Variants in TMEM242 observed in about 807,000 individuals in gnomAD.
The protein encoded by TMEM242 is transmembrane protein 242, also known as UPF0463 transmembrane protein C6orf35.
TMEM242 carries 10 observed loss-of-function variants against 18.2 expected under a neutral mutation model. That is an observed-to-expected ratio of 0.55 (90% CI 0.34 to 0.93). The LOEUF (loss-of-function observed/expected upper bound fraction) is 0.93. TMEM242 is among the 40% of genes least tolerant of loss of function. The pLI is 0.02. For synonymous variants in TMEM242, 57 were observed against 69.9 expected (o/e 0.81, Z 0.92); for missense variants, 186 against 175.5 (o/e 1.06, Z -0.34).
At chr6:157,309,530 G>A (rs1777963422) in intron 3 of TMEM242, among the ~76,000 whole-genome samples, 1 of 151,908 alleles carries the variant, frequency 6.6e-6, no homozygotes, top group African/African-American at 2.4e-5. Context: ...CTGGGACTAC[G>A]GGCACGTGCC....
At chr6:157,314,264 G>C (rs1554250075) in intron 3 of TMEM242, among the ~76,000 whole-genome samples, 3 of 149,330 alleles carry the variant, frequency 2.0e-5, no homozygotes, top group African/African-American at 2.4e-5. Flanking sequence ...GTCCCAGTGT[G>C]CGCTCACCTG....
chr6:157,304,189 G>A (rs587723553), intron 3 of TMEM242, among the ~76,000 whole-genome samples: 1 of 152,212 alleles, frequency 6.6e-6, no homozygotes, highest in South Asian at 2.1e-4. Flanking sequence ...CATTAGCCTG[G>A]GCGCAGTGAC....
Position 157,323,468 on chromosome 6 carries a change from G to A in TMEM242, c.32C>T (p.Pro11Leu), listed in dbSNP as rs587747016. 1.9e-5 allele frequency: 30 copies of A among 1,613,872 alleles called. No individual in the cohort carries two copies. In the African/African-American group the frequency reaches 3.1e-4, roughly 17 times the overall value. The change falls in exon 1 of 4, where the codon CCG becomes CTG. Residue 11 changes from proline to leucine, a missense_variant. Pro to Leu is a moderately conservative substitution (Grantham distance 98). Coordinates refer to ENST00000400788, the MANE Select transcript of TMEM242 (RefSeq NM_018452.6). Reference sequence around the variant, plus strand: ...CCCCGGAGCCTCCAGCCCAGAGGCCGGCTGCCCAGTTGCAGCGCCCGCTGT... The same window carrying A: ...CCCCGGAGCCTCCAGCCCAGAGGCCAGCTGCCCAGTTGCAGCGCCCGCTGT... METAGAATGQPASGLEAPGST... is the reference protein window; with the variant it reads METAGAATGQLASGLEAPGST...
intron 1 of TMEM242, 120 bp downstream of exon 1, chr6:157,323,292 G>C: frequency 8.7e-7 from 1 of 1,143,044 alleles, no homozygotes; most frequent in Non-Finnish European, 1.3e-6. Context: ...CTAAACTCAG[G>C]GGCAAGCACA....
intron 3 of TMEM242, among the ~76,000 whole-genome samples, chr6:157,298,136 C>T (rs1181518161): frequency 8.5e-5 from 13 of 152,290 alleles, no homozygotes; most frequent in African/African-American, 2.6e-4. Context: ...AACTGAAGAG[C>T]GGAATAACCC....
chr6:157,318,674 T>C (rs782234032), intron 3 of TMEM242, 108 bp downstream of exon 3: 1 of 1,370,874 alleles, frequency 7.3e-7, no homozygotes, highest in South Asian at 1.3e-5. Context: ...ATCATCTCCC[T>C]AGACAGTGAC....
Position 157,321,873 on chromosome 6 carries a change from T to C in TMEM242, c.189+832A>G, listed in dbSNP as rs587749804. On this transcript the variant is annotated intron_variant, in intron 2 of 3. Coordinates refer to ENST00000400788, the MANE Select transcript of TMEM242 (RefSeq NM_018452.6). ...AAATATATTTCTGCTCTGAAAACAT[T>C]CTATAACATAGAGAGAAAATGACCC... Among the ~76,000 whole-genome samples the C allele has an allele frequency of 5.3e-5, 8 of 152,258 alleles. No individual in the cohort carries two copies. The South Asian group carries it at 1.4e-3, about 28-fold the overall frequency.
chr6:157,312,073 TA>T (rs1778150174), intron 3 of TMEM242, among the ~76,000 whole-genome samples: 14 of 45,588 alleles, frequency 3.1e-4, no homozygotes, highest in East Asian at 8.1e-4. Context: ...TGCGCTCACC[TA>T]GCCTCAACAT....
At chr6:157,304,525 G>A (rs1043488578) in intron 3 of TMEM242, among the ~76,000 whole-genome samples, 6 of 145,970 alleles carry the variant, frequency 4.1e-5, no homozygotes, top group Admixed American at 1.4e-4. Flanking sequence ...AAATGAAATG[G>A]TAGAAGTGAT....
chr6:157,292,640 T>C lies in TMEM242; in HGVS notation c.*261A>G. 3.0e-6 allele frequency: 1 copy of C among 332,106 alleles called. No homozygotes were observed. The highest frequency in any genetic ancestry group is 4.7e-5 in the East Asian group (1 of 21,432). 20.6% of individuals were successfully genotyped at this position (332,106 alleles called of 1,614,324 possible). A position where few individuals can be genotyped will look rare whatever the true frequency, so the allele number is the denominator to read the frequency against. ...CTGTTACAAACAGAATCATTTCCTA[T>C]GGGGTCCCCTCCACATAAGGAAGTT... On this transcript the variant is annotated 3_prime_UTR_variant, in exon 4 of 4. Transcript: ENST00000400788.
intron 3 of TMEM242, among the ~76,000 whole-genome samples, chr6:157,310,319 T>C (rs1777982441): frequency 1.7e-5 from 1 of 57,272 alleles, no homozygotes; most frequent in Non-Finnish European, 3.7e-5. Flanking sequence ...TCAACTGTTC[T>C]CCAAACTTAA....
intron 3 of TMEM242, among the ~76,000 whole-genome samples, chr6:157,309,133 G>C (rs1777957378): frequency 6.6e-6 from 1 of 152,118 alleles, no homozygotes; most frequent in Admixed American, 6.6e-5. Flanking sequence ...AGTGAAAAAA[G>C]ATTGCAGAGT....
Position 157,305,723 on chromosome 6 carries a change from C to T in TMEM242, c.328-12724G>A, listed in dbSNP as rs201343253. On this transcript the variant is annotated intron_variant, in intron 3 of 3. Coordinates refer to ENST00000400788, the MANE Select transcript of TMEM242 (RefSeq NM_018452.6). The surrounding 1 kb of genome is among the most constrained non-coding windows in gnomAD (Gnocchi z 4.1). ...AAATGTCCAGTGAGGTGGAAGGTAG[C>T]TCAGAAGCCACAGTGTTTCAGGATG... Among the ~76,000 whole-genome samples, 3 of 151,708 alleles carry T rather than the reference C, an allele frequency of 2.0e-5. No individual in the cohort carries two copies. In the East Asian group the frequency reaches 5.9e-4, roughly 30 times the overall value.
rs1251330128 is a variant in TMEM242 at position 157,291,100 on chromosome 6, C to G, written c.*1801G>C. 6.6e-6 allele frequency: 1 copy of G among 152,230 alleles called. No homozygotes were observed. Among genetic ancestry groups the G allele is most frequent in the Admixed American group, 6.5e-5 (1 of 15,288 alleles). 9.4% of individuals were successfully genotyped at this position (152,230 alleles called of 1,614,324 possible). A position where few individuals can be genotyped will look rare whatever the true frequency, so the allele number is the denominator to read the frequency against. ...AGTTTACAAGGCCCTGAGAGGGGTC[C>G]CTGCCCTTCGGGAGGTTACAAGGCA... On this transcript the variant is annotated 3_prime_UTR_variant, in exon 4 of 4. Transcript: ENST00000400788.
intron 3 of TMEM242, among the ~76,000 whole-genome samples, chr6:157,294,205 G>A (rs1003513405): frequency 2.0e-5 from 3 of 152,080 alleles, no homozygotes; most frequent in African/African-American, 4.8e-5. Flanking sequence ...GTCCTCCTAC[G>A]AAGACATTTC....
At chr6:157,297,275 G>C (rs1554247232) in intron 3 of TMEM242, among the ~76,000 whole-genome samples, 1 of 152,186 alleles carries the variant, frequency 6.6e-6, no homozygotes, top group African/African-American at 2.4e-5. Context: ...GCTTGAATAT[G>C]CACAGGGGAC....
chr6:157,301,945 A>G (rs1233661564), intron 3 of TMEM242, among the ~76,000 whole-genome samples: 1 of 151,924 alleles, frequency 6.6e-6, no homozygotes, highest in African/African-American at 2.4e-5. Context: ...AAAAGAAGAA[A>G]AAAGGCAGTC....
intron 3 of TMEM242, among the ~76,000 whole-genome samples, chr6:157,312,088 G>GT (rs1778152352): frequency 5.7e-5 from 6 of 105,530 alleles, no homozygotes; most frequent in Non-Finnish European, 1.1e-4. Context: ...TCAACATAGT[G>GT]CCCTAGTGTC....
At chr6:157,307,639 T>A (rs1470336178) in intron 3 of TMEM242, among the ~76,000 whole-genome samples, 5 of 152,178 alleles carry the variant, frequency 3.3e-5, no homozygotes, top group Non-Finnish European at 7.3e-5. Context: ...TGCAGTGGAA[T>A]GGGGAAGAAG....
Sources: gnomAD v4.1 joint callset for allele counts (sites outside exome capture counted in the v4.1 genomes callset) on GRCh38, gnomAD v4.1.1 for gene constraint, Gnocchi (gnomAD v3.1) non-coding constraint, MANE v1.5 for transcripts, NCBI Gene and HGNC (gene_info 2026-07-23, HGNC 2026-07-21) for gene names.